Variants in CPSF4L observed in about 807,000 individuals in gnomAD.
The protein encoded by CPSF4L is putative cleavage and polyadenylation specificity factor subunit 4-like protein.
Under a neutral mutation model 24.0 loss-of-function variants are expected in CPSF4L, and 18 were observed. The ratio of observed to expected loss-of-function variants is 0.75; its 90% CI spans 0.52 to 1.11. The LOEUF (loss-of-function observed/expected upper bound fraction) is 1.11. Ranked by LOEUF, CPSF4L falls within the 50% of genes least tolerant of loss-of-function variation. The pLI, the probability that CPSF4L is intolerant of heterozygous loss-of-function variation, is 0.00. For missense variants in CPSF4L, 211 were observed against 221.8 expected (o/e 0.95, Z 0.31); for synonymous variants, 72 against 77.2 (o/e 0.93, Z 0.35).
chr17:73,260,657 C>T (rs1003756163), intron 2 of CPSF4L, among the ~76,000 whole-genome samples: 11 of 152,180 alleles, frequency 7.2e-5, no homozygotes, highest in Non-Finnish European at 1.3e-4. Context: ...GTTCCAGTTA[C>T]TCGGGAGGCT....
chr17:73,246,245 A>C (rs759238104), downstream of CPSF4L, among the ~76,000 whole-genome samples: 8 of 152,168 alleles, frequency 5.3e-5, no homozygotes, highest in Non-Finnish European at 7.3e-5. Context: ...TTTTAAAACT[A>C]CAGGAATGCT....
At position 73,248,686 on chromosome 17, in the gene CPSF4L, G is replaced by C. The variant is rs181831660; in HGVS notation, c.498-150C>G. 5 of 794,746 alleles carry C rather than the reference G, an allele frequency of 6.3e-6. No homozygotes were observed. In the Admixed American group the frequency reaches 1.1e-4, roughly 17 times the overall value. 49.2% of individuals were successfully genotyped at this position (794,746 alleles called of 1,614,324 possible). A position where few individuals can be genotyped will look rare whatever the true frequency, so the allele number is the denominator to read the frequency against. On this transcript the variant is annotated intron_variant, in intron 5 of 5. Transcript: ENST00000344935. ...TGAAGGTTCTGTTACTACAAGTTGG[G>C]AATATTCACGGACATGCCTGAATAC...
intron 3 of CPSF4L, 96 bp downstream of exon 3, chr17:73,257,585 C>G: frequency 7.7e-7 from 1 of 1,304,332 alleles, no homozygotes; most frequent in Non-Finnish European, 1.1e-6. Flanking sequence ...ACATGTCCAG[C>G]CTCCTCTGCG....
At chr17:73,250,538 C>T (rs2062000920) in intron 5 of CPSF4L, among the ~76,000 whole-genome samples, 1 of 152,110 alleles carries the variant, frequency 6.6e-6, no homozygotes, top group Admixed American at 6.6e-5. Context: ...ACCTGTCATC[C>T]CAATAAAACT....
At chr17:73,252,217 G>A (rs140175857) in intron 5 of CPSF4L, among the ~76,000 whole-genome samples, 132 of 152,280 alleles carry the variant, frequency 8.7e-4, no homozygotes, top group African/African-American at 3.0e-3. Context: ...AGAGAGAGAC[G>A]ATTACAGCCC....
At chr17:73,247,441 T>C, downstream of CPSF4L, 1 of 1,195,980 alleles carries the variant, frequency 8.4e-7, no homozygotes, top group Non-Finnish European at 1.2e-6. Flanking sequence ...AGTGTAGTGG[T>C]AGCATTAAGG....
intron 5 of CPSF4L, chr17:73,248,924 A>G: frequency 5.9e-6 from 1 of 170,600 alleles, no homozygotes; most frequent in South Asian, 1.5e-4. Flanking sequence ...TACTTCCGCC[A>G]CTCTTCATAA....
chr17:73,255,551 C>T (rs73358925), intron 3 of CPSF4L, among the ~76,000 whole-genome samples: 2,398 of 151,322 alleles, frequency 0.016, 41 homozygotes, highest in East Asian at 0.026. Flanking sequence ...ACCCCTGATT[C>T]CTAAGAGTTT....
At chr17:73,247,558 A>C (rs2061969280), downstream of CPSF4L, 3 of 506,176 alleles carry the variant, frequency 5.9e-6, no homozygotes, top group African/African-American at 1.9e-5. Flanking sequence ...GAAAAGGTTT[A>C]ACTTAGTCAC....
rs577626160 is a variant in CPSF4L, at chr17:73,249,524, C to T, written c.498-988G>A. Among the ~76,000 whole-genome samples the T allele has an allele frequency of 2.0e-5, 3 of 152,270 alleles. No homozygotes were observed. In the East Asian group the frequency reaches 5.8e-4, roughly 29 times the overall value. ...GCTCCATTCTTTTAGACTGCCCTGA[C>T]TGGGGACTCCAGCTCCAGGCAGGCC... On this transcript the variant is annotated intron_variant, in intron 5 of 5. Transcript: ENST00000344935.
intron 2 of CPSF4L, among the ~76,000 whole-genome samples, chr17:73,258,763 C>T (rs2062033404): frequency 6.6e-6 from 1 of 152,208 alleles, no homozygotes; most frequent in Non-Finnish European, 1.5e-5. Flanking sequence ...CTCGTCCTGC[C>T]AGGGAGCGGG....
At chr17:73,258,068 G>A (rs1216662512) in intron 2 of CPSF4L, among the ~76,000 whole-genome samples, 2 of 151,544 alleles carry the variant, frequency 1.3e-5, no homozygotes, top group African/African-American at 4.8e-5. Context: ...GGAGTGCAGC[G>A]GCGCGATCTT....
chr17:73,259,060 AGACAGGATC>A (rs2062034864), intron 2 of CPSF4L, among the ~76,000 whole-genome samples: 1 of 151,996 alleles, frequency 6.6e-6, no homozygotes, highest in African/African-American at 2.4e-5. Flanking sequence ...TATTTATTTG[AGACAGGATC>A]TTAGTCTGTT....
chr17:73,254,760 C>T (rs899559840), intron 3 of CPSF4L, among the ~76,000 whole-genome samples: 5 of 152,210 alleles, frequency 3.3e-5, no homozygotes, highest in African/African-American at 1.2e-4. Context: ...TCTCCTGCTT[C>T]AACCTCCCAA....
At position 73,261,633 on chromosome 17, in the gene CPSF4L, C is replaced by T; in HGVS notation, c.103+83G>A. Reference sequence around the variant, plus strand: ...CCGAGATTGTGCCACTACACTCCAGCCTGGGCTACAGAGCGAGACTCCGTC... The same window carrying T: ...CCGAGATTGTGCCACTACACTCCAGTCTGGGCTACAGAGCGAGACTCCGTC... On this transcript the variant is annotated intron_variant, in intron 1 of 5. Coordinates refer to ENST00000344935, the MANE Select transcript of CPSF4L (RefSeq NM_001129885.1). The T allele has an allele frequency of 3.1e-6, 3 of 959,120 alleles. No individual in the cohort carries two copies. In the South Asian group the frequency reaches 4.2e-5, roughly 14 times the overall value. 59.4% of individuals were successfully genotyped at this position (959,120 alleles called of 1,614,324 possible).
intron 2 of CPSF4L, among the ~76,000 whole-genome samples, chr17:73,259,937 A>G (rs1386618305): frequency 6.6e-6 from 1 of 152,180 alleles, no homozygotes; most frequent in African/African-American, 2.4e-5. Context: ...TTTTTTGGCA[A>G]TTGTATATTT....
chr17:73,250,904 C>T (rs1292006154), intron 5 of CPSF4L: 2 of 1,229,478 alleles, frequency 1.6e-6, no homozygotes, highest in Non-Finnish European at 2.2e-6. Context: ...TCTCCAGCTC[C>T]CTGATCATTC....
intron 3 of CPSF4L, among the ~76,000 whole-genome samples, chr17:73,255,627 G>A (rs1177040202): frequency 6.6e-6 from 1 of 152,038 alleles, no homozygotes; most frequent in African/African-American, 2.4e-5. Flanking sequence ...GAGGGGAAAA[G>A]GCCACATCCA....
downstream of CPSF4L, chr17:73,247,326 A>G: frequency 6.2e-7 from 1 of 1,614,172 alleles, no homozygotes; most frequent in South Asian, 1.1e-5. Context: ...GCCGCTCTAA[A>G]ACATGTTTGG....
Sources: gnomAD v4.1 joint callset for allele counts (sites outside exome capture counted in the v4.1 genomes callset) on GRCh38, gnomAD v4.1.1 for gene constraint, MANE v1.5 for transcripts, NCBI Gene and HGNC (gene_info 2026-07-23, HGNC 2026-07-21) for gene names.